CCDC171: variants seen among roughly 807,000 people sequenced by gnomAD.
The protein encoded by CCDC171 is coiled-coil domain containing 171.
CCDC171 carries 177 observed loss-of-function variants against 168.2 expected under a neutral mutation model. That is an observed-to-expected ratio of 1.05 (90% confidence interval 0.93 to 1.19). The LOEUF (loss-of-function observed/expected upper bound fraction) is 1.19, where lower values mean the gene tolerates loss of function less well. CCDC171 is among the 50% of genes most tolerant of loss of function. The pLI is 0.00. For missense variants in CCDC171, 1,991 were observed against 1,539.0 expected (o/e 1.29, Z -4.91); for synonymous variants, 687 against 540.8 (o/e 1.27, Z -3.75).
intron 3 of CCDC171, among the ~76,000 whole-genome samples, chr9:15,574,463 G>T (rs1356033573): frequency 6.6e-6 from 1 of 151,894 alleles, no homozygotes; most frequent in Non-Finnish European, 1.5e-5. Flanking sequence ...ATTTTTAGTG[G>T]AGACGGAGTT....
chr9:15,967,833 A>C (rs1361272858), intron 25 of CCDC171, among the ~76,000 whole-genome samples: 1 of 152,198 alleles, frequency 6.6e-6, no homozygotes, highest in Non-Finnish European at 1.5e-5. Context: ...AAATTCTAGA[A>C]GACTTAACTT....
At chr9:15,950,815 A>T (rs1215170980) in intron 25 of CCDC171, among the ~76,000 whole-genome samples, 2 of 151,866 alleles carry the variant, frequency 1.3e-5, no homozygotes, top group East Asian at 3.9e-4. Flanking sequence ...TCCAATTAAA[A>T]GACACAGACT....
At chr9:16,059,663 C>T (rs1167438488) in intron 1 of CCDC171, among the ~76,000 whole-genome samples, 140 of 150,018 alleles carry the variant, frequency 9.3e-4, no homozygotes, top group Admixed American at 2.0e-3. Flanking sequence ...TACAGGCGCC[C>T]GCCACCGCGC....
chr9:16,070,301 G>A, the CCDC171 span, among the ~76,000 whole-genome samples: 2 of 152,230 alleles, frequency 1.3e-5, no homozygotes, highest in Admixed American at 1.3e-4. Context: ...GTCCTGCCTC[G>A]GCAAACAATT....
intron 6 of CCDC171, among the ~76,000 whole-genome samples, chr9:15,595,221 A>G (rs1168198614): frequency 6.6e-6 from 1 of 152,002 alleles, no homozygotes; most frequent in Non-Finnish European, 1.5e-5. Context: ...ATATGTATAC[A>G]TGTGCCATGT....
At chr9:15,900,311 T>G (rs1433336897) in intron 24 of CCDC171, among the ~76,000 whole-genome samples, 1 of 152,138 alleles carries the variant, frequency 6.6e-6, no homozygotes, top group Non-Finnish European at 1.5e-5. Flanking sequence ...AAGAGGGCGG[T>G]GGGGGCATTT....
intron 24 of CCDC171, among the ~76,000 whole-genome samples, chr9:15,911,622 A>G (rs543006637): frequency 1.2e-4 from 18 of 152,302 alleles, no homozygotes; most frequent in Middle Eastern, 6.8e-3. Flanking sequence ...GTCTTTGCCC[A>G]TGCCTATGTC....
At chr9:15,969,884 T>C (rs1194611152) in intron 25 of CCDC171, among the ~76,000 whole-genome samples, 2 of 152,162 alleles carry the variant, frequency 1.3e-5, no homozygotes, top group Non-Finnish European at 2.9e-5. Context: ...TAGCCTCTGA[T>C]GTAATGAGAT....
At chr9:15,982,384 G>A (rs540342466) in intron 3 of CCDC171, among the ~76,000 whole-genome samples, 1 of 152,086 alleles carries the variant, frequency 6.6e-6, no homozygotes, top group African/African-American at 2.4e-5. Flanking sequence ...GGGAGATAAT[G>A]ATACCTTCTC....
chr9:15,882,146 A>T (rs1818734443), intron 24 of CCDC171, among the ~76,000 whole-genome samples: 1 of 152,126 alleles, frequency 6.6e-6, no homozygotes, highest in African/African-American at 2.4e-5. Flanking sequence ...CCGGGGTGAG[A>T]TGATAGCTCA....
At chr9:15,934,383 C>G (rs2132190366) in intron 25 of CCDC171, among the ~76,000 whole-genome samples, 1 of 101,030 alleles carries the variant, frequency 9.9e-6, no homozygotes, top group African/African-American at 3.5e-5. Context: ...GTGTGAGACC[C>G]TGTCTCAAAA....
chr9:15,949,153 G>C lies in CCDC171; in HGVS notation c.3754-22456G>C, dbSNP rs192831819. ...GTTGTAGATATGTGGCATTATTTCT[G>C]AGGGCTCTGTTCTGTTCCATTGATC... On this transcript the variant is annotated intron_variant, in intron 25 of 25. Transcript: ENST00000380701. 7.2e-5 allele frequency among the ~76,000 whole-genome samples: 11 copies of C among 152,154 alleles called. No individual in the cohort carries two copies. The East Asian group carries it at 2.1e-3, about 30-fold the overall frequency.
At chr9:15,830,604 A>G (rs1032760377) in intron 21 of CCDC171, among the ~76,000 whole-genome samples, 16 of 152,196 alleles carry the variant, frequency 1.1e-4, no homozygotes, top group Admixed American at 6.5e-4. Flanking sequence ...ATGTAGAACA[A>G]TGCACCCAGA....
chr9:15,968,951 T>G (rs1831080680), intron 25 of CCDC171, among the ~76,000 whole-genome samples: 1 of 152,202 alleles, frequency 6.6e-6, no homozygotes, highest in Non-Finnish European at 1.5e-5. Context: ...AAGCAGTCAT[T>G]TGTTTTCCTT....
At chr9:15,802,792 T>G (rs1228769927) in intron 21 of CCDC171, among the ~76,000 whole-genome samples, 2 of 152,116 alleles carry the variant, frequency 1.3e-5, no homozygotes, top group Non-Finnish European at 2.9e-5. Flanking sequence ...ACTGCTGAGT[T>G]AAATGGTATT....
chr9:15,606,660 T>C (rs1341759321), intron 6 of CCDC171, among the ~76,000 whole-genome samples: 1 of 152,244 alleles, frequency 6.6e-6, no homozygotes, highest in Non-Finnish European at 1.5e-5. Flanking sequence ...AACTGTATTT[T>C]GGATTCTGAG....
chr9:15,980,344 T>A (rs1479387365), intron 3 of CCDC171, among the ~76,000 whole-genome samples: 1 of 152,152 alleles, frequency 6.6e-6, no homozygotes, highest in Non-Finnish European at 1.5e-5. Flanking sequence ...TAGAACTAAT[T>A]CTTAAGTTGG....
In CCDC171 at chr9:15,653,061, C is replaced by T. The variant is rs2047649961; in HGVS notation, c.823-4066C>T. Among the ~76,000 whole-genome samples the T allele has an allele frequency of 2.0e-5, 3 of 152,172 alleles. No homozygotes were observed. The South Asian group carries it at 6.2e-4, about 32-fold the overall frequency. On this transcript the variant is annotated intron_variant, in intron 7 of 25. Transcript: ENST00000380701. ...AGGAATAGTTTGAGTTAAACTCCCA[C>T]TTCCCATTTACTTTTTCTGTTTAGT...
At chr9:16,046,768 A>C (rs1003778230) in intron 1 of CCDC171, among the ~76,000 whole-genome samples, 1 of 152,052 alleles carries the variant, frequency 6.6e-6, no homozygotes, top group African/African-American at 2.4e-5. Context: ...TTCACCTTCC[A>C]CCATGATTAT....
Sources: allele counts gnomAD v4.1 joint callset (sites outside exome capture counted in the v4.1 genomes callset), GRCh38; gene constraint gnomAD v4.1.1; transcripts MANE v1.5; gene names NCBI Gene and HGNC (gene_info 2026-07-23, HGNC 2026-07-21).